The following PTPRA variants were observed in gnomAD, a reference collection of about 807,000 sequenced individuals.
The protein encoded by PTPRA is receptor-type tyrosine-protein phosphatase alpha.
PTPRA carries 25 observed loss-of-function variants against 104.8 expected under a neutral mutation model. The observed-to-expected ratio is 0.24, with a 90% confidence interval of 0.17 to 0.33. The LOEUF is 0.33. Ranked by LOEUF, PTPRA falls within the 10% of genes least tolerant of loss-of-function variation. PTPRA has a pLI of 1.00. For missense variants in PTPRA, 765 were observed against 1,015.3 expected (o/e 0.75, Z 3.35); for synonymous variants, 323 against 368.9 (o/e 0.88, Z 1.43).
intron 9 of PTPRA, among the ~76,000 whole-genome samples, chr20:2,991,954 C>A (rs1334164149): frequency 6.6e-6 from 1 of 152,210 alleles, no homozygotes; most frequent in Non-Finnish European, 1.5e-5. Context: ...AGGAGAATTT[C>A]TCTTTTATAC....
intron 20 of PTPRA, among the ~76,000 whole-genome samples, chr20:3,032,516 C>T (rs1290609434): frequency 6.6e-6 from 1 of 152,034 alleles, no homozygotes; most frequent in Non-Finnish European, 1.5e-5. Context: ...GCCTGTAATC[C>T]CAGCACTTTG....
intron 9 of PTPRA, among the ~76,000 whole-genome samples, chr20:2,990,366 G>A (rs1032355115): frequency 5.3e-5 from 8 of 152,186 alleles, no homozygotes; most frequent in Non-Finnish European, 8.8e-5. Flanking sequence ...TTCTTAAACC[G>A]GTCGTGAGCA....
At chr20:2,939,534 T>C (rs1268346162) in intron 2 of PTPRA, among the ~76,000 whole-genome samples, 1 of 152,194 alleles carries the variant, frequency 6.6e-6, no homozygotes, top group African/African-American at 2.4e-5. Context: ...CAAAATGTTT[T>C]TGTCTGCTGA....
intron 2 of PTPRA, among the ~76,000 whole-genome samples, chr20:2,925,579 C>T (rs1211083306): frequency 4.6e-5 from 7 of 152,038 alleles, no homozygotes; most frequent in Non-Finnish European, 1.0e-4. Context: ...TTTGGGAGGC[C>T]GAGGCAGGCG....
At chr20:2,929,424 G>C (rs564688006) in intron 2 of PTPRA, among the ~76,000 whole-genome samples, 4 of 152,110 alleles carry the variant, frequency 2.6e-5, no homozygotes, top group African/African-American at 9.7e-5. Flanking sequence ...TTATTTGCTT[G>C]ATGTGTGTCC....
rs765398863 is a variant in PTPRA at position 3,021,419 on chromosome 20, C to T, written c.1152C>T (p.Cys384=). 10 of 1,614,012 alleles carry T rather than the reference C, an allele frequency of 6.2e-6. No homozygotes were observed. The highest frequency in any genetic ancestry group is 3.4e-6 in the Non-Finnish European group (4 of 1,179,914). Residue 384 remains cysteine (C), a synonymous_variant, in exon 14 of 24, where the codon TGC becomes TGT. Transcript: ENST00000399903. ...TGGACTACACAGTACGGAAGTTCTG[C>T]ATCCAGCAGGTAGTGTCTCCTCTGT... is the stretch of plus-strand genomic sequence containing the variant. ...VLVDYTVRKF[C]IQQVGDMTNR...
In PTPRA at chr20:3,021,431, A is replaced by G; in HGVS notation, c.1161+3A>G. On this transcript the variant is annotated splice_donor_region_variant and intron_variant, in intron 14 of 23. Transcript: ENST00000399903. ...TACGGAAGTTCTGCATCCAGCAGGT[A>G]GTGTCTCCTCTGTCCTTTCTCAGTT... 1 of 1,613,900 alleles carries G rather than the reference A, an allele frequency of 6.2e-7. No individual in the cohort carries two copies. Among genetic ancestry groups the G allele is most frequent in the Non-Finnish European group, 8.5e-7 (1 of 1,179,826 alleles).
chr20:2,984,069 AG>A (rs1469939981), intron 6 of PTPRA, among the ~76,000 whole-genome samples: 1 of 151,894 alleles, frequency 6.6e-6, no homozygotes, highest in African/African-American at 2.4e-5. Context: ...AAGCTAAGAG[AG>A]GAAAGTGCTT....
At chr20:2,998,300 T>C (rs1230499401) in intron 9 of PTPRA, among the ~76,000 whole-genome samples, 1 of 151,798 alleles carries the variant, frequency 6.6e-6, no homozygotes, top group East Asian at 1.9e-4. Flanking sequence ...GTGACCTTCC[T>C]CAGGACCTCA....
At chr20:2,866,598 G>A in the PTPRA span, 1 of 1,612,714 alleles carries the variant, frequency 6.2e-7, no homozygotes, top group Admixed American at 1.7e-5. Flanking sequence ...TACATCTCAA[G>A]CAAGGGGTTC....
chr20:2,886,837 CAA>C (rs531092520), intron 1 of PTPRA, among the ~76,000 whole-genome samples: 99 of 111,430 alleles, frequency 8.9e-4, no homozygotes, highest in African/African-American at 3.2e-3. Context: ...GCCTGGGCAA[CAA>C]GAGTGAAACT....
chr20:2,896,604 A>G (rs367653361), intron 1 of PTPRA, among the ~76,000 whole-genome samples: 51 of 152,334 alleles, frequency 3.3e-4, no homozygotes, highest in East Asian at 1.2e-3. Flanking sequence ...ATAATGCTGT[A>G]TTACCCATAA....
rs1461081944 is a variant in PTPRA, at chr20:2,873,688, C to T, written c.-201C>T. 6.6e-6 allele frequency: 1 copy of T among 150,998 alleles called. No homozygotes were observed. Among genetic ancestry groups the T allele is most frequent in the Non-Finnish European group, 1.5e-5 (1 of 67,490 alleles). The allele number at this position is 150,998 out of a possible 1,614,324, so 9.4% of individuals were successfully genotyped here. A position where few individuals can be genotyped will look rare whatever the true frequency, so the allele number is the denominator to read the frequency against. On this transcript the variant is annotated 5_prime_UTR_variant, in exon 1 of 24. Coordinates refer to ENST00000399903, the MANE Select transcript of PTPRA (RefSeq NM_001385305.1). This position sits in a 1 kb window ranked among gnomAD's most constrained non-coding sequence, Gnocchi z 4.4. ...GGCGGCCCTGAGGGCTAGTGGCGGC[C>T]CGAAACGCCGCCGCGGAGCCGAGGC...
intron 1 of PTPRA, among the ~76,000 whole-genome samples, chr20:2,900,551 C>T (rs553695260): frequency 6.6e-6 from 1 of 152,166 alleles, no homozygotes; most frequent in East Asian, 1.9e-4. Context: ...CAAAATATAA[C>T]CTGTGATCAA....
the PTPRA span, chr20:2,866,412 C>T: frequency 1.2e-6 from 2 of 1,614,186 alleles, no homozygotes; most frequent in Non-Finnish European, 1.7e-6. Context: ...ACCACCTCCT[C>T]TCTTGCTCAA....
chr20:2,933,814 A>C (rs928177779), intron 2 of PTPRA, among the ~76,000 whole-genome samples: 2 of 151,552 alleles, frequency 1.3e-5, no homozygotes, highest in Non-Finnish European at 2.9e-5. Flanking sequence ...ATTTTGATTT[A>C]TTTTCAGTTT....
intron 2 of PTPRA, among the ~76,000 whole-genome samples, chr20:2,943,691 A>G (rs1162044452): frequency 2.0e-5 from 3 of 152,322 alleles, no homozygotes; most frequent in Non-Finnish European, 4.4e-5. Context: ...CCAAATAAAG[A>G]CAGTAACAAA....
At chr20:3,010,267 T>G (rs1255791301) in intron 11 of PTPRA, among the ~76,000 whole-genome samples, 1 of 152,204 alleles carries the variant, frequency 6.6e-6, no homozygotes, top group Non-Finnish European at 1.5e-5. Context: ...TTCTACTCAG[T>G]TATCCTTAGC....
At chr20:3,031,982 A>G (rs181779426) in intron 20 of PTPRA, among the ~76,000 whole-genome samples, 1 of 152,354 alleles carries the variant, frequency 6.6e-6, no homozygotes, top group East Asian at 1.9e-4. Context: ...CACTGAACTC[A>G]TGACCACAAA....
Sources: allele counts gnomAD v4.1 joint callset (sites outside exome capture counted in the v4.1 genomes callset), GRCh38; gene constraint gnomAD v4.1.1; non-coding constraint Gnocchi (gnomAD v3.1); transcripts MANE v1.5; gene names NCBI Gene and HGNC (gene_info 2026-07-23, HGNC 2026-07-21).